Variants in TBC1D5 observed in about 807,000 individuals in gnomAD.
TBC1D5 encodes TBC1 domain family member 5.
A neutral mutation model predicts 100.3 loss-of-function variants in TBC1D5; 75 were observed. The observed-to-expected ratio is 0.75, with a 90% confidence interval of 0.62 to 0.91. The LOEUF is 0.91. Among genes scored for constraint, TBC1D5 ranks in the 40% least tolerant of loss-of-function variants. The pLI is 0.00. For missense variants in TBC1D5, 910 were observed against 942.4 expected, an observed-to-expected ratio of 0.97 and a Z score of 0.45; for synonymous variants, 323 against 325.6, an observed-to-expected ratio of 0.99 and a Z score of 0.09.
chr3:17,193,733 T>C (rs1224728607), intron 18 of TBC1D5, among the ~76,000 whole-genome samples: 1 of 152,176 alleles, frequency 6.6e-6, no homozygotes, highest in Non-Finnish European at 1.5e-5. Flanking sequence ...ACAGACTCTA[T>C]TTCCCTCAGT....
chr3:17,363,650 A>G (rs1214466524), intron 13 of TBC1D5, among the ~76,000 whole-genome samples: 1 of 151,212 alleles, frequency 6.6e-6, no homozygotes, highest in Non-Finnish European at 1.5e-5. Flanking sequence ...TGGCCTCAAG[A>G]TATCTTCCCG....
rs1253225552 is a variant in TBC1D5 at position 17,479,979 on chromosome 3, GA to G, written c.97+28494del. Among the ~76,000 whole-genome samples the G allele has an allele frequency of 3.3e-5, 5 of 152,210 alleles. No homozygotes were observed. In the East Asian group the frequency reaches 7.7e-4, roughly 23 times the overall value. ...AATCCCTGTGCTCTTGGGGTCCCAG[GA>G]AGCCCCTTGTCCCTGCAGCTTTGAA... On this transcript the variant is annotated intron_variant, in intron 3 of 21. Coordinates refer to ENST00000253692, the Ensembl canonical transcript of TBC1D5.
rs557748250 is a variant in TBC1D5, at chr3:17,320,102, T to C, written c.996-11968A>G. ...TGTGATGCTGCATTGATTATCTTTGTACAGGTCTTTGTTCGTGTAAATATA... is the reference window on the plus strand; with the variant it reads ...TGTGATGCTGCATTGATTATCTTTGCACAGGTCTTTGTTCGTGTAAATATA... On this transcript the variant is annotated intron_variant, in intron 13 of 21. Transcript: ENST00000253692. Among the ~76,000 whole-genome samples, 54 of 152,344 alleles carry C rather than the reference T, an allele frequency of 3.5e-4. 3 individuals are homozygous for C. The South Asian group carries it at 9.5e-3, about 27-fold the overall frequency.
chr3:17,191,594 A>C (rs757520003), intron 18 of TBC1D5, among the ~76,000 whole-genome samples: 1 of 152,112 alleles, frequency 6.6e-6, no homozygotes, highest in South Asian at 2.1e-4. Context: ...ACATTTATAA[A>C]CAGTATGCTA....
At chr3:17,625,992 A>C (rs1415874258) in intron 1 of TBC1D5, among the ~76,000 whole-genome samples, 2 of 152,132 alleles carry the variant, frequency 1.3e-5, no homozygotes, top group Non-Finnish European at 2.9e-5. Flanking sequence ...AATGTCGGGC[A>C]CCAATTAATC....
At chr3:17,572,827 C>G (rs1039447376) in intron 2 of TBC1D5, among the ~76,000 whole-genome samples, 5 of 152,062 alleles carry the variant, frequency 3.3e-5, no homozygotes, top group African/African-American at 1.2e-4. Flanking sequence ...GGACAAGTTT[C>G]TCTTTTCCCA....
intron 3 of TBC1D5, among the ~76,000 whole-genome samples, chr3:17,432,935 G>A (rs776835963): frequency 2.6e-5 from 4 of 152,162 alleles, no homozygotes; most frequent in Non-Finnish European, 5.9e-5. Context: ...TGTAAAAGCT[G>A]TAATAAACAG....
chr3:17,599,518 A>C (rs1056686094), intron 2 of TBC1D5, among the ~76,000 whole-genome samples: 1 of 152,076 alleles, frequency 6.6e-6, no homozygotes, highest in African/African-American at 2.4e-5. Flanking sequence ...AAATCTCCGC[A>C]TCCTTCAAGT....
At chr3:17,302,926 T>C (rs1203952143) in intron 14 of TBC1D5, among the ~76,000 whole-genome samples, 1 of 152,202 alleles carries the variant, frequency 6.6e-6, no homozygotes, top group African/African-American at 2.4e-5. Flanking sequence ...AGCAAGACAT[T>C]ATGAGTCAGA....
intron 3 of TBC1D5, among the ~76,000 whole-genome samples, chr3:17,446,754 G>C (rs575985549): frequency 6.6e-6 from 1 of 152,156 alleles, no homozygotes; most frequent in African/African-American, 2.4e-5. Flanking sequence ...GGTGGATCAC[G>C]ACGTCAGGAG....
At chr3:17,594,292 G>A (rs774969510) in intron 2 of TBC1D5, among the ~76,000 whole-genome samples, 17 of 152,212 alleles carry the variant, frequency 1.1e-4, no homozygotes, top group Non-Finnish European at 1.8e-4. Flanking sequence ...CCATTAGGGC[G>A]TCTCTTAGTA....
intron 1 of TBC1D5, among the ~76,000 whole-genome samples, chr3:17,716,666 TAAC>T (rs2153953128): frequency 6.6e-6 from 1 of 152,322 alleles, no homozygotes; most frequent in African/African-American, 2.4e-5. Context: ...AGCTCAGTGT[TAAC>T]AACTATTATA....
In TBC1D5 at chr3:17,325,268, T is replaced by TA. The variant is rs35243838; in HGVS notation, c.996-17135dup. On this transcript the variant is annotated intron_variant, in intron 13 of 21. Coordinates refer to ENST00000253692, the Ensembl canonical transcript of TBC1D5. ...TCCAGAAACTGGAATAGTACTCAGT[T>TA]AAAAAAAAAAAAAAAAGAAATGAAC... Among the ~76,000 whole-genome samples, 937 of 127,778 alleles carry TA rather than the reference T, an allele frequency of 7.3e-3. 22 individuals are homozygous for TA. In the East Asian group the frequency reaches 0.12, roughly 16 times the overall value. 83.8% of individuals were successfully genotyped at this position (127,778 alleles called of 152,430 possible).
At chr3:17,308,069 G>C (rs2083579823) in exon 14 of TBC1D5, 1 of 1,610,072 alleles carries the variant, frequency 6.2e-7, no homozygotes, top group South Asian at 1.1e-5. Flanking sequence ...TGCAAACAAG[G>C]CATCCCAGAC....
At chr3:17,246,575 G>T (rs2076755197) in intron 16 of TBC1D5, among the ~76,000 whole-genome samples, 1 of 152,176 alleles carries the variant, frequency 6.6e-6, no homozygotes, top group Non-Finnish European at 1.5e-5. Context: ...AACAGAGTGT[G>T]GAAATGGATC....
intron 4 of TBC1D5, among the ~76,000 whole-genome samples, chr3:17,410,364 T>C (rs1259769308): frequency 6.6e-6 from 1 of 152,180 alleles, no homozygotes; most frequent in Non-Finnish European, 1.5e-5. Flanking sequence ...CTCTGATGGA[T>C]ATGTACAAAG....
rs542563762 is a variant in TBC1D5, at chr3:17,274,819, G to C, written c.1246-16228C>G. On this transcript the variant is annotated intron_variant, in intron 15 of 21. Transcript: ENST00000253692. ...CAATAAGAACCTCAAGAAAAGTCCA[G>C]AAAGAATCAAGTCACTAAACAACTC... 1.6e-4 allele frequency among the ~76,000 whole-genome samples: 25 copies of C among 152,288 alleles called. No homozygotes were observed. In the South Asian group the frequency reaches 5.0e-3, roughly 30 times the overall value.
At chr3:17,259,900 T>G (rs1281265644) in intron 15 of TBC1D5, among the ~76,000 whole-genome samples, 1 of 152,180 alleles carries the variant, frequency 6.6e-6, no homozygotes, top group Non-Finnish European at 1.5e-5. Flanking sequence ...GACAATCCCT[T>G]GATTTAGCTC....
intron 2 of TBC1D5, among the ~76,000 whole-genome samples, chr3:17,610,738 C>G (rs1249692468): frequency 6.6e-6 from 1 of 152,030 alleles, no homozygotes; most frequent in East Asian, 1.9e-4. Flanking sequence ...AAAATTGGGC[C>G]GGACGTGGAG....
Sources: gnomAD v4.1 joint callset for allele counts (sites outside exome capture counted in the v4.1 genomes callset) on GRCh38, gnomAD v4.1.1 for gene constraint, MANE v1.5 for transcripts, NCBI Gene and HGNC (gene_info 2026-07-23, HGNC 2026-07-21) for gene names.